The following ADAM23 variants were observed in gnomAD, a reference collection of about 807,000 sequenced individuals.
The protein encoded by ADAM23 is disintegrin and metalloproteinase domain-containing protein 23.
ADAM23 carries 33 observed loss-of-function variants against 120.1 expected under a neutral mutation model. The observed-to-expected ratio is 0.27, with a 90% CI of 0.21 to 0.37. The LOEUF is 0.37. Among genes scored for constraint, ADAM23 ranks in the 10% least tolerant of loss-of-function variants. ADAM23 has a pLI of 1.00. For missense variants in ADAM23, 862 were observed against 1,058.2 expected (o/e 0.81, Z 2.57); for synonymous variants, 367 against 375.2 (o/e 0.98, Z 0.25).
chr2:206,597,918 G>T (rs2359677), intron 24 of ADAM23, among the ~76,000 whole-genome samples: 9,290 of 152,240 alleles, frequency 0.061, 510 homozygotes, highest in East Asian at 0.17. Context: ...CATGTGAATT[G>T]TTCAGTAATA....
intron 2 of ADAM23, among the ~76,000 whole-genome samples, chr2:206,446,954 TTTAGAG>T (rs371931374): frequency 5.3e-5 from 8 of 152,314 alleles, no homozygotes; most frequent in African/African-American, 1.7e-4. Context: ...AATGAGACCT[TTTAGAG>T]TTAAGTGGTT....
At chr2:206,577,146 G>A (rs957198730) in intron 18 of ADAM23, among the ~76,000 whole-genome samples, 5 of 151,930 alleles carry the variant, frequency 3.3e-5, no homozygotes, top group Non-Finnish European at 5.9e-5. Context: ...AATTTCCCTC[G>A]TTAAACATTC....
Position 206,542,107 on chromosome 2 carries a change from T to C in ADAM23, c.629T>C (p.Val210Ala), listed in dbSNP as rs1697302484. Residue 210 changes from valine to alanine, a missense_variant, in exon 5 of 26, where the codon GTG becomes GCG. Coordinates refer to ENST00000264377, the MANE Select transcript of ADAM23 (RefSeq NM_003812.4). ...GSIRGVKDSK[V>A]ALSTCNGLHG... Reference sequence around the variant, plus strand: ...ATCAGAGGCGTCAAAGACTCCAAGGTGGCTCTGTCAACCTGCAATGGACTT... The same window carrying C: ...ATCAGAGGCGTCAAAGACTCCAAGGCGGCTCTGTCAACCTGCAATGGACTT... 6.2e-7 allele frequency: 1 copy of C among 1,614,198 alleles called. No individual in the cohort carries two copies. The highest frequency in any genetic ancestry group is 1.1e-5 in the South Asian group (1 of 91,084).
intron 2 of ADAM23, among the ~76,000 whole-genome samples, chr2:206,458,954 GTT>G (rs1388700041): frequency 5.3e-5 from 8 of 152,302 alleles, no homozygotes; most frequent in Non-Finnish European, 1.2e-4. Context: ...CATAAATTCT[GTT>G]TTTATTTGGA....
chr2:206,567,492 G>T (rs571497133), intron 15 of ADAM23, among the ~76,000 whole-genome samples, 170 bp downstream of exon 15: 4 of 152,232 alleles, frequency 2.6e-5, no homozygotes, highest in African/African-American at 9.6e-5. Context: ...CTGTTTAAAT[G>T]AATGACAAAA....
chr2:206,475,804 T>C (rs1695762580), intron 2 of ADAM23, among the ~76,000 whole-genome samples: 1 of 152,164 alleles, frequency 6.6e-6, no homozygotes, highest in Admixed American at 6.5e-5. Flanking sequence ...TTATATTCTA[T>C]GACCTTTCTC....
intron 2 of ADAM23, among the ~76,000 whole-genome samples, chr2:206,455,024 G>C (rs768463343): frequency 6.6e-6 from 1 of 152,248 alleles, no homozygotes; most frequent in Non-Finnish European, 1.5e-5. Context: ...CCAATAGGCA[G>C]TGCCCCAGTG....
intron 25 of ADAM23, 51 bp from the exon 26 acceptor site, chr2:206,617,528 A>G (rs1698956932): frequency 1.3e-6 from 2 of 1,557,110 alleles, no homozygotes; most frequent in Non-Finnish European, 1.7e-6. Context: ...TCTGATTAAT[A>G]TTGTGGATTT....
At chr2:206,495,839 G>A (rs1696233721) in intron 3 of ADAM23, among the ~76,000 whole-genome samples, 2 of 152,100 alleles carry the variant, frequency 1.3e-5, no homozygotes, top group Admixed American at 1.3e-4. Context: ...AAAAAAGGCA[G>A]GGGTTGCAAT....
intron 18 of ADAM23, among the ~76,000 whole-genome samples, chr2:206,584,660 G>A (rs574569308): frequency 3.3e-5 from 5 of 152,190 alleles, no homozygotes; most frequent in South Asian, 2.1e-4. Flanking sequence ...GTCCTTACCC[G>A]ATGGTCCCAG....
intron 3 of ADAM23, among the ~76,000 whole-genome samples, chr2:206,499,129 A>G (rs919616675): frequency 2.0e-5 from 3 of 151,904 alleles, no homozygotes; most frequent in African/African-American, 7.3e-5. Context: ...CATTTGACCC[A>G]GCCATCCCAT....
chr2:206,447,724 T>C (rs1423450791), intron 2 of ADAM23, among the ~76,000 whole-genome samples: 1 of 152,240 alleles, frequency 6.6e-6, no homozygotes, highest in African/African-American at 2.4e-5. Context: ...TGCTTTTATG[T>C]AAAGAAGTTT....
chr2:206,450,476 AGGGGTTCCCAT>A (rs1397815268), intron 2 of ADAM23, among the ~76,000 whole-genome samples: 1 of 152,226 alleles, frequency 6.6e-6, no homozygotes, highest in East Asian at 1.9e-4. Flanking sequence ...GTTAGAGTAT[AGGGGTTCCCAT>A]GGAATTCATG....
At chr2:206,451,144 C>T in intron 2 of ADAM23, among the ~76,000 whole-genome samples, 1 of 152,186 alleles carries the variant, frequency 6.6e-6, no homozygotes, top group East Asian at 1.9e-4. Flanking sequence ...AAAGGAAGAG[C>T]CACAGAATCG....
chr2:206,619,732 A>G lies in ADAM23; in HGVS notation c.*2105A>G, dbSNP rs572926633. Reference sequence around the variant, plus strand: ...TGTCTTTAACTGGGGAAGTACCACAAACATAGAGCAGAGACTTTAATTTCT... The same window carrying G: ...TGTCTTTAACTGGGGAAGTACCACAGACATAGAGCAGAGACTTTAATTTCT... On this transcript the variant is annotated 3_prime_UTR_variant, in exon 26 of 26. Transcript: ENST00000264377. 1.8e-4 allele frequency: 27 copies of G among 152,338 alleles called. No individual in the cohort carries two copies. Among genetic ancestry groups the G allele is most frequent in the African/African-American group, 6.0e-4 (25 of 41,580 alleles). 9.4% of individuals were successfully genotyped at this position (152,338 alleles called of 1,614,324 possible).
intron 3 of ADAM23, among the ~76,000 whole-genome samples, chr2:206,529,811 A>G (rs922414547): frequency 1.8e-4 from 27 of 146,266 alleles, no homozygotes; most frequent in African/African-American, 4.5e-4. Context: ...GTGTGTGTGT[A>G]TATATACATT....
At chr2:206,559,888 G>GACTC in intron 10 of ADAM23, 67 bp from the exon 11 acceptor site, 2 of 1,419,050 alleles carry the variant, frequency 1.4e-6, no homozygotes, top group Non-Finnish European at 1.9e-6. Flanking sequence ...CACTGACTCT[G>GACTC]ACTCACTGAT....
At position 206,444,025 on chromosome 2, in the gene ADAM23, G is replaced by T; in HGVS notation, c.159G>T (p.Leu53=). The change falls in exon 1 of 26, where the codon CTG becomes CTT. Residue 53 remains leucine (L), a synonymous_variant. Transcript: ENST00000264377. ...GCCTGCTTCTCGTCCTTCTCCTGCT[G>T]CCTCCGCTCGCCGCCTCGTCCCGGC... The part of the protein sequence containing the change: ...PCRLLLVLLL[L]PPLAASSRPR... 7.1e-7 allele frequency: 1 copy of T among 1,411,152 alleles called. No individual in the cohort carries two copies. The highest frequency in any genetic ancestry group is 9.3e-7 in the Non-Finnish European group (1 of 1,078,990). 87.4% of individuals were successfully genotyped at this position (1,411,152 alleles called of 1,614,324 possible).
intron 3 of ADAM23, among the ~76,000 whole-genome samples, chr2:206,486,816 T>C (rs571016203): frequency 6.6e-6 from 1 of 152,322 alleles, no homozygotes; most frequent in East Asian, 1.9e-4. Flanking sequence ...TTTGCAGTTA[T>C]CACCACAATC....
Sources: allele counts gnomAD v4.1 joint callset (sites outside exome capture counted in the v4.1 genomes callset), GRCh38; gene constraint gnomAD v4.1.1; transcripts MANE v1.5; gene names NCBI Gene and HGNC (gene_info 2026-07-23, HGNC 2026-07-21).